Variants in WWOX observed in about 807,000 individuals in gnomAD.
WWOX encodes WW domain-containing oxidoreductase.
WWOX carries 69 observed loss-of-function variants against 46.2 expected under a neutral mutation model. The ratio of observed to expected loss-of-function variants is 1.49; its 90% confidence interval spans 1.23 to 1.82. The LOEUF (loss-of-function observed/expected upper bound fraction) is 1.82, where lower values mean the gene tolerates loss of function less well. WWOX is among the 40% of genes most tolerant of loss of function. The probability of loss-of-function intolerance (pLI) is 0.00; values close to 1 mark genes in which losing one functional copy is unlikely to be tolerated. For synonymous variants in WWOX, 359 were observed against 202.6 expected (o/e 1.77, Z -6.56); for missense variants, 919 against 542.6 (o/e 1.69, Z -6.89).
rs534388058 is a variant in WWOX at position 78,543,408 on chromosome 16, A to G, written c.1056+110656A>G. On this transcript the variant is annotated intron_variant, in intron 8 of 8. Transcript: ENST00000566780. ...ACTACAATGATGCCCTTTCACATAC[A>G]GCGAGAAGGATTAAGAGGTACTGTA... is the stretch of plus-strand genomic sequence containing the variant. Among the ~76,000 whole-genome samples, 225 of 152,342 alleles carry G rather than the reference A, an allele frequency of 1.5e-3. 1 individual carries two copies. Among genetic ancestry groups the G allele is most frequent in the African/African-American group, 5.1e-3 (213 of 41,590 alleles).
chr16:78,765,930 G>C (rs778593209), intron 8 of WWOX, among the ~76,000 whole-genome samples: 2 of 152,202 alleles, frequency 1.3e-5, no homozygotes, highest in Non-Finnish European at 2.9e-5. Context: ...TGTGAGGAGT[G>C]AGGGGTGATC....
At chr16:78,782,117 A>G (rs1451687170) in intron 8 of WWOX, among the ~76,000 whole-genome samples, 1 of 152,068 alleles carries the variant, frequency 6.6e-6, no homozygotes, top group East Asian at 1.9e-4. Context: ...GCAAATGTAA[A>G]TCACCACCTT....
At chr16:78,226,934 A>C (rs918584317) in intron 5 of WWOX, among the ~76,000 whole-genome samples, 1 of 152,216 alleles carries the variant, frequency 6.6e-6, no homozygotes, top group Non-Finnish European at 1.5e-5. Flanking sequence ...TTGGACACAA[A>C]GAGGTGTTTC....
chr16:78,866,702 C>T lies in WWOX; in HGVS notation c.1057-344906C>T, dbSNP rs948677305. On this transcript the variant is annotated intron_variant, in intron 8 of 8. Coordinates refer to ENST00000566780, the MANE Select transcript of WWOX (RefSeq NM_016373.4). ...TGATTGTTCTAAGTAAATGGCAGAG[C>T]ACGCAAATCAAGGACATTGGCAATA... 3.9e-5 allele frequency among the ~76,000 whole-genome samples: 6 copies of T among 152,314 alleles called. No homozygotes were observed. The East Asian group carries it at 1.2e-3, about 29-fold the overall frequency.
chr16:78,848,323 G>GC (rs1282645757), intron 8 of WWOX, among the ~76,000 whole-genome samples: 11 of 152,114 alleles, frequency 7.2e-5, no homozygotes, highest in Non-Finnish European at 8.8e-5. Context: ...AGTCATATTT[G>GC]CCCCCACAGA....
intron 5 of WWOX, among the ~76,000 whole-genome samples, chr16:78,367,200 C>G (rs1025453500): frequency 5.9e-5 from 9 of 151,974 alleles, no homozygotes; most frequent in Non-Finnish European, 8.8e-5. Context: ...ACTTTGGTCT[C>G]AATCTCCTGA....
At chr16:78,840,425 C>A (rs532389359) in intron 8 of WWOX, among the ~76,000 whole-genome samples, 1 of 152,342 alleles carries the variant, frequency 6.6e-6, no homozygotes, top group Admixed American at 6.5e-5. Context: ...CAAAAGTCCT[C>A]TTGCCTCTGC....
chr16:78,846,802 T>C (rs1306859844), intron 8 of WWOX, among the ~76,000 whole-genome samples: 1 of 152,224 alleles, frequency 6.6e-6, no homozygotes, highest in Non-Finnish European at 1.5e-5. Context: ...CTGCAATGAT[T>C]AATACTGTGG....
chr16:78,803,569 C>T (rs1226811099), intron 8 of WWOX, among the ~76,000 whole-genome samples: 1 of 152,104 alleles, frequency 6.6e-6, no homozygotes, highest in Non-Finnish European at 1.5e-5. Flanking sequence ...GCCTCAGCCT[C>T]CCAAGTAGCT....
intron 5 of WWOX, among the ~76,000 whole-genome samples, chr16:78,208,217 G>T (rs1024915505): frequency 6.6e-6 from 1 of 152,162 alleles, no homozygotes; most frequent in African/African-American, 2.4e-5. Flanking sequence ...ATAAAGCTAG[G>T]GGATGGCGAA....
At chr16:78,914,550 G>C (rs111229612) in intron 8 of WWOX, among the ~76,000 whole-genome samples, 1,995 of 152,048 alleles carry the variant, frequency 0.013, 48 homozygotes, top group African/African-American at 0.046. Flanking sequence ...TGAGTACAGA[G>C]TGTGGGATCA....
At chr16:78,557,267 T>A (rs2044321129) in intron 8 of WWOX, among the ~76,000 whole-genome samples, 1 of 152,154 alleles carries the variant, frequency 6.6e-6, no homozygotes, top group South Asian at 2.1e-4. Flanking sequence ...TACCTATCTA[T>A]GATCACATAG....
At chr16:78,527,520 C>G (rs556179892) in intron 8 of WWOX, among the ~76,000 whole-genome samples, 1 of 152,014 alleles carries the variant, frequency 6.6e-6, no homozygotes, top group East Asian at 1.9e-4. Context: ...TCTTGAATTC[C>G]TGACTTCAAG....
At chr16:78,640,418 G>A (rs1438810960) in intron 8 of WWOX, among the ~76,000 whole-genome samples, 1 of 151,998 alleles carries the variant, frequency 6.6e-6, no homozygotes, top group African/African-American at 2.4e-5. Flanking sequence ...GGGCACAGGG[G>A]CAAGGTATAG....
chr16:78,729,187 A>T (rs1033556797), intron 8 of WWOX, among the ~76,000 whole-genome samples: 8 of 151,916 alleles, frequency 5.3e-5, no homozygotes, highest in African/African-American at 1.7e-4. Flanking sequence ...TAAAAAAAAT[A>T]AAAAATTAGC....
intron 8 of WWOX, among the ~76,000 whole-genome samples, chr16:78,721,488 ACT>A (rs1419476377): frequency 3.2e-4 from 49 of 151,950 alleles, no homozygotes; most frequent in African/African-American, 1.1e-3. Context: ...TCAGACAGAA[ACT>A]CTATTGCTGG....
intron 5 of WWOX, among the ~76,000 whole-genome samples, chr16:78,223,909 A>G (rs1407865772): frequency 1.3e-5 from 2 of 152,348 alleles, no homozygotes; most frequent in East Asian, 3.9e-4. Flanking sequence ...TGTTTTATAG[A>G]TGAGGAAACA....
intron 8 of WWOX, among the ~76,000 whole-genome samples, chr16:79,001,000 G>C (rs576136643): frequency 1.3e-5 from 2 of 152,190 alleles, no homozygotes; most frequent in Non-Finnish European, 2.9e-5. Flanking sequence ...TGGGGTCCAA[G>C]AAGAGCTCAG....
intron 8 of WWOX, among the ~76,000 whole-genome samples, chr16:78,986,885 A>G: frequency 6.6e-6 from 1 of 152,156 alleles, no homozygotes; most frequent in East Asian, 1.9e-4. Context: ...CAGGATGCGC[A>G]AGAGACTCCT....
Sources: gnomAD v4.1 joint callset for allele counts (sites outside exome capture counted in the v4.1 genomes callset) on GRCh38, gnomAD v4.1.1 for gene constraint, MANE v1.5 for transcripts, NCBI Gene and HGNC (gene_info 2026-07-23, HGNC 2026-07-21) for gene names.